Variants in DEUP1 observed in about 807,000 individuals in gnomAD.
DEUP1 encodes the protein coiled-coil domain containing 67.
Under a neutral mutation model 87.4 loss-of-function variants are expected in DEUP1, and 82 were observed. The observed-to-expected ratio is 0.94, with a 90% CI of 0.78 to 1.13. The LOEUF is 1.13. Among genes scored for constraint, DEUP1 ranks in the 50% most tolerant of loss-of-function variants. The probability of loss-of-function intolerance (pLI) is 0.00; values close to 1 mark genes in which losing one functional copy is unlikely to be tolerated. For missense variants in DEUP1, 663 were observed against 681.5 expected (o/e 0.97, Z 0.30); for synonymous variants, 214 against 222.7 (o/e 0.96, Z 0.35).
intron 11 of DEUP1, among the ~76,000 whole-genome samples, chr11:93,398,506 T>C (rs1947010722): frequency 6.6e-6 from 1 of 152,168 alleles, no homozygotes; most frequent in Non-Finnish European, 1.5e-5. Context: ...GAGTACCTTT[T>C]AAAATTTCAT....
chr11:93,412,144 G>A (rs1349933335), intron 12 of DEUP1, among the ~76,000 whole-genome samples: 1 of 152,170 alleles, frequency 6.6e-6, no homozygotes, highest in East Asian at 1.9e-4. Context: ...TATGGCCAAG[G>A]GGAATATTAA....
intron 7 of DEUP1, among the ~76,000 whole-genome samples, chr11:93,383,082 C>T (rs768071599): frequency 6.6e-6 from 1 of 152,100 alleles, no homozygotes; most frequent in Admixed American, 6.6e-5. Context: ...ATATTCTATA[C>T]AATTATTCTT....
At chr11:93,352,713 A>G (rs973292100) in intron 2 of DEUP1, among the ~76,000 whole-genome samples, 2 of 152,302 alleles carry the variant, frequency 1.3e-5, no homozygotes, top group African/African-American at 2.4e-5. Flanking sequence ...CACTTCTTAC[A>G]TGGGGGAGGC....
chr11:93,407,611 T>A (rs1947315774), intron 11 of DEUP1, among the ~76,000 whole-genome samples: 1 of 152,134 alleles, frequency 6.6e-6, no homozygotes, highest in African/African-American at 2.4e-5. Flanking sequence ...TGAGTGTTGG[T>A]AGTATGGAAT....
chr11:93,352,523 A>G, intron 2 of DEUP1: 1 of 632,072 alleles, frequency 1.6e-6, no homozygotes, highest in Non-Finnish European at 2.9e-6. Context: ...TACTATGTGT[A>G]TGACTATTAG....
At chr11:93,384,100 G>C (rs962548573) in intron 7 of DEUP1, among the ~76,000 whole-genome samples, 1 of 152,142 alleles carries the variant, frequency 6.6e-6, no homozygotes, top group African/African-American at 2.4e-5. Context: ...GCCAAGTACT[G>C]CTGCAGAAAA....
intron 11 of DEUP1, among the ~76,000 whole-genome samples, chr11:93,399,271 C>T (rs544358967): frequency 1.3e-5 from 2 of 151,024 alleles, no homozygotes; most frequent in African/African-American, 4.9e-5. Flanking sequence ...ATTTATTTTG[C>T]GTGGGATATA....
At chr11:93,368,024 A>C (rs1945508939) in intron 5 of DEUP1, among the ~76,000 whole-genome samples, 1 of 152,232 alleles carries the variant, frequency 6.6e-6, no homozygotes, top group East Asian at 1.9e-4. Flanking sequence ...AAAATGGAGA[A>C]GCAGCGATGT....
intron 11 of DEUP1, among the ~76,000 whole-genome samples, chr11:93,396,829 A>G (rs999080992): frequency 2.6e-5 from 4 of 152,170 alleles, no homozygotes; most frequent in African/African-American, 4.8e-5. Context: ...TAAGTGTTCA[A>G]TGAGTGTTGG....
At chr11:93,351,431 G>C (rs1944622615) in intron 2 of DEUP1, among the ~76,000 whole-genome samples, 1 of 152,128 alleles carries the variant, frequency 6.6e-6, no homozygotes, top group Non-Finnish European at 1.5e-5. Context: ...TGGTGAGATG[G>C]TAATGAACCA....
chr11:93,401,527 C>G (rs1010935160), intron 11 of DEUP1, among the ~76,000 whole-genome samples: 1 of 151,898 alleles, frequency 6.6e-6, no homozygotes. Context: ...AGACAGTATA[C>G]TACCTGACTT....
Position 93,392,956 on chromosome 11 carries a change from TTCC to T in DEUP1, c.1042-1494_1042-1492del, listed in dbSNP as rs1591213480. ...CTCTTCCTCCTCCTCCTCCCTCCTC[TTCC>T]TCCTCCTCTTCCTCCTCCTCCGAGC... On this transcript the variant is annotated intron_variant, in intron 9 of 13. Transcript: ENST00000298050. Among the ~76,000 whole-genome samples the T allele has an allele frequency of 2.7e-5, 4 of 147,676 alleles. No individual in the cohort carries two copies. In the South Asian group the frequency reaches 8.9e-4, roughly 33 times the overall value.
At chr11:93,355,164 TA>T (rs757620865) in intron 2 of DEUP1, among the ~76,000 whole-genome samples, 1 of 152,222 alleles carries the variant, frequency 6.6e-6, no homozygotes, top group African/African-American at 2.4e-5. Context: ...AATGTTATTT[TA>T]AAAAATTAAG....
chr11:93,393,093 T>G (rs1173883640), intron 9 of DEUP1, among the ~76,000 whole-genome samples: 1 of 139,644 alleles, frequency 7.2e-6, no homozygotes, highest in African/African-American at 2.7e-5. Context: ...CCTTCTTTTT[T>G]TTTTTTTTTT....
At position 93,415,054 on chromosome 11, in the gene DEUP1, G is replaced by A. The variant is rs780369481; in HGVS notation, c.1578G>A (p.Ser526=). The A allele has an allele frequency of 9.9e-6, 16 of 1,608,246 alleles. No homozygotes were observed. The East Asian group carries it at 1.8e-4, about 18-fold the overall frequency. ...NRSTMPPLPP[S]TFQAKEMTSP... ...GTACAATGCCTCCCTTGCCACCTTC[G>A]ACATTTCAAGCCAAAGAAATGACAA... Residue 526 remains serine, a synonymous_variant, in exon 13 of 14, where the codon TCG becomes TCA. Coordinates refer to ENST00000298050, the MANE Select transcript of DEUP1 (RefSeq NM_181645.4).
intron 12 of DEUP1, among the ~76,000 whole-genome samples, chr11:93,410,876 A>T (rs1026464438): frequency 3.9e-5 from 6 of 152,228 alleles, no homozygotes; most frequent in Admixed American, 2.6e-4. Flanking sequence ...TCAGCAGGAG[A>T]TTATCCTAAT....
At chr11:93,366,238 T>A (rs1324486007) in intron 5 of DEUP1, among the ~76,000 whole-genome samples, 2 of 152,162 alleles carry the variant, frequency 1.3e-5, no homozygotes, top group East Asian at 1.9e-4. Context: ...GAAGGGTACA[T>A]GGAGGTTTGT....
At chr11:93,428,742 T>C (rs1948014389) in intron 13 of DEUP1, among the ~76,000 whole-genome samples, 1 of 152,168 alleles carries the variant, frequency 6.6e-6, no homozygotes, top group Admixed American at 6.6e-5. Context: ...GAAATTCATC[T>C]CTTTTGTATT....
chr11:93,361,423 T>C (rs1945171353), intron 4 of DEUP1, among the ~76,000 whole-genome samples: 1 of 152,108 alleles, frequency 6.6e-6, no homozygotes, highest in African/African-American at 2.4e-5. Context: ...AATTTTTTGA[T>C]AGCAAAAAAT....
Sources: gnomAD v4.1 joint callset for allele counts (sites outside exome capture counted in the v4.1 genomes callset) on GRCh38, gnomAD v4.1.1 for gene constraint, MANE v1.5 for transcripts, NCBI Gene and HGNC (gene_info 2026-07-23, HGNC 2026-07-21) for gene names.